Variants in STK24 observed in about 807,000 individuals in gnomAD.
STK24 encodes serine/threonine-protein kinase 24.
Under a neutral mutation model 55.6 loss-of-function variants are expected in STK24, and 21 were observed. The ratio of observed to expected loss-of-function variants is 0.38; its 90% confidence interval spans 0.27 to 0.54. STK24 has a LOEUF of 0.54. Ranked by LOEUF, STK24 falls within the 20% of genes least tolerant of loss-of-function variation. STK24 has a pLI of 0.79. For missense variants in STK24, 383 were observed against 538.4 expected (o/e 0.71, Z 2.86); for synonymous variants, 200 against 215.2 (o/e 0.93, Z 0.62).
At chr13:98,464,884 A>T (rs781121921) in intron 6 of STK24, among the ~76,000 whole-genome samples, 11 of 152,216 alleles carry the variant, frequency 7.2e-5, no homozygotes, top group Non-Finnish European at 1.3e-4. Context: ...GAAACTGGAA[A>T]GGAGCCAGGA....
At chr13:98,472,838 T>G (rs1894204103) in intron 5 of STK24, among the ~76,000 whole-genome samples, 1 of 152,214 alleles carries the variant, frequency 6.6e-6, no homozygotes, top group South Asian at 2.1e-4. Context: ...TTCTGGAGTT[T>G]TCTTTCAAAA....
At chr13:98,556,554 A>C (rs1594667806) in intron 1 of STK24, among the ~76,000 whole-genome samples, 1 of 151,928 alleles carries the variant, frequency 6.6e-6, no homozygotes, top group East Asian at 1.9e-4. Context: ...ACTGTAACAC[A>C]ATGAGTATGT....
chr13:98,492,174 AG>A (rs1192444086), intron 2 of STK24, among the ~76,000 whole-genome samples: 1 of 151,990 alleles, frequency 6.6e-6, no homozygotes, highest in Non-Finnish European at 1.5e-5. Context: ...CAAAACGTGA[AG>A]GAACTGGTAA....
intron 1 of STK24, chr13:98,543,131 A>G (rs1225437707): frequency 1.7e-5 from 9 of 519,138 alleles, no homozygotes; most frequent in Non-Finnish European, 1.7e-5. Flanking sequence ...CCATCCTCCA[A>G]AGTTTACAGC....
At chr13:98,468,818 G>A (rs1894024071) in intron 5 of STK24, among the ~76,000 whole-genome samples, 1 of 152,176 alleles carries the variant, frequency 6.6e-6, no homozygotes, top group African/African-American at 2.4e-5. Context: ...CCTCAAACAC[G>A]GCTCATTCCT....
intron 2 of STK24, among the ~76,000 whole-genome samples, chr13:98,512,186 C>G (rs1895904665): frequency 6.6e-6 from 1 of 152,110 alleles, no homozygotes; most frequent in African/African-American, 2.4e-5. Flanking sequence ...CTGTGCCCAG[C>G]CTACAGTACA....
intron 1 of STK24, among the ~76,000 whole-genome samples, chr13:98,535,049 G>C (rs1360500148): frequency 6.6e-6 from 1 of 152,200 alleles, no homozygotes; most frequent in Non-Finnish European, 1.5e-5. Context: ...GCAAGAATTT[G>C]ATAAAAAATA....
intron 1 of STK24, among the ~76,000 whole-genome samples, chr13:98,571,953 CAGG>C (rs555977288): frequency 4.0e-4 from 61 of 152,318 alleles, no homozygotes; most frequent in African/African-American, 1.5e-3. Flanking sequence ...CCCCAAAGAA[CAGG>C]AGATCATCTG....
chr13:98,553,825 G>T (rs1431197525), intron 1 of STK24: 2 of 152,204 alleles, frequency 1.3e-5, no homozygotes, highest in Non-Finnish European at 2.9e-5. Context: ...ACTTTAGGAG[G>T]CCAAAGTGGG....
chr13:98,445,813 C>T lies in STK24; in HGVS notation c.*7360G>A, dbSNP rs113702482. ...AGTTACCCTGCAACGAGCCTATTTCCAAATAAGCCTGTGTTCTAAGGTACT... is the reference window on the plus strand; with the variant it reads ...AGTTACCCTGCAACGAGCCTATTTCTAAATAAGCCTGTGTTCTAAGGTACT... On this transcript the variant is annotated 3_prime_UTR_variant, in exon 11 of 11. Coordinates refer to ENST00000539966, the MANE Select transcript of STK24 (RefSeq NM_001032296.4). The T allele has an allele frequency of 1.3e-3, 385 of 305,280 alleles. 1 individual carries two copies. The highest frequency in any genetic ancestry group is 7.9e-3 in the African/African-American group (361 of 45,642). 18.9% of individuals were successfully genotyped at this position (305,280 alleles called of 1,614,324 possible).
chr13:98,448,297 A>G lies in STK24; in HGVS notation c.*4876T>C. On this transcript the variant is annotated 3_prime_UTR_variant, in exon 11 of 11. Coordinates refer to ENST00000539966, the MANE Select transcript of STK24 (RefSeq NM_001032296.4). Reference sequence around the variant, plus strand: ...CTCGCGACCCCACGTGTTGAGTCACAAAGAGTCTCTTGTGTATTGATGGCC... The same window carrying G: ...CTCGCGACCCCACGTGTTGAGTCACGAAGAGTCTCTTGTGTATTGATGGCC... The G allele has an allele frequency of 2.5e-6, 4 of 1,613,804 alleles. No homozygotes were observed. The South Asian group carries it at 4.4e-5, about 18-fold the overall frequency.
intron 1 of STK24, among the ~76,000 whole-genome samples, chr13:98,532,309 T>C (rs1243447819): frequency 6.6e-6 from 1 of 151,964 alleles, no homozygotes; most frequent in African/African-American, 2.4e-5. Context: ...CCACCTCTCT[T>C]CTCCATGAGA....
chr13:98,544,410 C>T (rs1391716278), intron 1 of STK24, among the ~76,000 whole-genome samples: 1 of 152,222 alleles, frequency 6.6e-6, no homozygotes, highest in Non-Finnish European at 1.5e-5. Context: ...CACTGTGGGC[C>T]CCAGGCAACT....
intron 1 of STK24, among the ~76,000 whole-genome samples, chr13:98,539,136 C>T (rs1269400180): frequency 3.9e-4 from 58 of 148,868 alleles, no homozygotes; most frequent in African/African-American, 9.9e-4. Flanking sequence ...CATTTCCATT[C>T]GGCTCACTCC....
rs1187691710 is a variant in STK24 at position 98,449,142 on chromosome 13, C to T, written c.*4031G>A. On this transcript the variant is annotated 3_prime_UTR_variant, in exon 11 of 11. Coordinates refer to ENST00000539966, the MANE Select transcript of STK24 (RefSeq NM_001032296.4). The stretch of plus-strand genomic sequence containing the variant: ...GTCACAAGCATGAAAACCCGTGTGT[C>T]ATTGATCAGCACCATTTGTGGTATG... 1 of 152,168 alleles carries T rather than the reference C, an allele frequency of 6.6e-6. No individual in the cohort carries two copies. Among genetic ancestry groups the T allele is most frequent in the Non-Finnish European group, 1.5e-5 (1 of 68,038 alleles). 9.4% of individuals were successfully genotyped at this position (152,168 alleles called of 1,614,324 possible).
At chr13:98,572,226 G>A (rs537229128) in intron 1 of STK24, among the ~76,000 whole-genome samples, 14 of 152,156 alleles carry the variant, frequency 9.2e-5, no homozygotes, top group African/African-American at 2.6e-4. Context: ...CAACGACTCC[G>A]GGCACTATAC....
intron 1 of STK24, among the ~76,000 whole-genome samples, chr13:98,548,813 G>T (rs1176077390): frequency 8.0e-6 from 1 of 125,402 alleles, no homozygotes; most frequent in African/African-American, 3.1e-5. Flanking sequence ...AGTGACCCAA[G>T]ATCATACCAC....
At chr13:98,482,132 G>A (rs1894611142) in intron 3 of STK24, 133 bp downstream of exon 3, 2 of 464,926 alleles carry the variant, frequency 4.3e-6, no homozygotes. Flanking sequence ...AACACGTAAG[G>A]AATAGTTTGG....
chr13:98,528,627 G>GT (rs1896498229), intron 1 of STK24, among the ~76,000 whole-genome samples: 1 of 151,094 alleles, frequency 6.6e-6, no homozygotes, highest in Non-Finnish European at 1.5e-5. Flanking sequence ...GATGACTGAA[G>GT]TATTTTATAT....
Sources: gnomAD v4.1 joint callset for allele counts (sites outside exome capture counted in the v4.1 genomes callset) on GRCh38, gnomAD v4.1.1 for gene constraint, MANE v1.5 for transcripts, NCBI Gene and HGNC (gene_info 2026-07-23, HGNC 2026-07-21) for gene names.